The following ULK4 variants were observed in gnomAD, a reference collection of about 807,000 sequenced individuals.
ULK4 encodes the protein inactive serine/threonine-protein kinase ULK4.
ULK4 carries 133 observed loss-of-function variants against 160.6 expected under a neutral mutation model. The observed-to-expected ratio is 0.83, with a 90% CI of 0.72 to 0.96. The LOEUF is 0.96. Ranked by LOEUF, ULK4 falls within the 40% of genes least tolerant of loss-of-function variation. ULK4 has a pLI of 0.00. For synonymous variants in ULK4, 534 were observed against 539.8 expected (o/e 0.99, Z 0.15); for missense variants, 1,580 against 1,499.5 (o/e 1.05, Z -0.89).
chr3:41,602,299 AGGAAAGGAAAGGAAAGGAAAGGAGGAAG>A (rs1559425568), intron 31 of ULK4, among the ~76,000 whole-genome samples: 14 of 124,672 alleles, frequency 1.1e-4, no homozygotes, highest in East Asian at 7.8e-4. Flanking sequence ...AGGAAAGGAA[AGGAAAGGAAAGGAAAGGAAAGGAGGAAG>A]GGAAAGGAAA....
chr3:41,798,504 C>G (rs1395021704), intron 20 of ULK4, among the ~76,000 whole-genome samples: 1 of 151,932 alleles, frequency 6.6e-6, no homozygotes, highest in Non-Finnish European at 1.5e-5. Context: ...GGATTTATAT[C>G]CATTGATCTT....
At chr3:41,798,169 T>C (rs532052228) in intron 20 of ULK4, among the ~76,000 whole-genome samples, 19 of 148,618 alleles carry the variant, frequency 1.3e-4, no homozygotes, top group South Asian at 2.1e-4. Context: ...GTGGGAACTA[T>C]TGAAAAAAAA....
intron 35 of ULK4, among the ~76,000 whole-genome samples, chr3:41,267,595 A>G (rs1166736679): frequency 6.6e-6 from 1 of 152,138 alleles, no homozygotes; most frequent in East Asian, 1.9e-4. Context: ...TCTTGGACAC[A>G]CTCATTTACC....
intron 35 of ULK4, among the ~76,000 whole-genome samples, chr3:41,296,186 C>T (rs937346903): frequency 2.0e-5 from 3 of 152,110 alleles, no homozygotes; most frequent in African/African-American, 4.8e-5. Context: ...GTTGATAGTG[C>T]GGGATGCAGT....
At chr3:41,379,822 C>G (rs559129166) in intron 35 of ULK4, among the ~76,000 whole-genome samples, 2 of 152,164 alleles carry the variant, frequency 1.3e-5, no homozygotes, top group Admixed American at 6.6e-5. Flanking sequence ...TAAGAAGAAA[C>G]TATGCATGCA....
intron 30 of ULK4, among the ~76,000 whole-genome samples, chr3:41,645,964 T>G (rs897074999): frequency 6.6e-6 from 1 of 152,214 alleles, no homozygotes; most frequent in African/African-American, 2.4e-5. Flanking sequence ...CCTGGTCTCT[T>G]TTGATCTTTG....
intron 34 of ULK4, among the ~76,000 whole-genome samples, chr3:41,420,337 T>C (rs923722076): frequency 3.3e-5 from 5 of 151,968 alleles, no homozygotes; most frequent in Non-Finnish European, 7.4e-5. Flanking sequence ...ACATCATATT[T>C]TATGTTTTCA....
chr3:41,314,543 C>T (rs1022099056), intron 35 of ULK4, among the ~76,000 whole-genome samples: 18 of 152,158 alleles, frequency 1.2e-4, no homozygotes, highest in African/African-American at 3.6e-4. Context: ...AAAACCAGAA[C>T]AGTTCTAAAT....
intron 34 of ULK4, among the ~76,000 whole-genome samples, chr3:41,447,244 C>G (rs1476913962): frequency 6.6e-6 from 1 of 152,050 alleles, no homozygotes; most frequent in Non-Finnish European, 1.5e-5. Context: ...GTCCCATTGC[C>G]CTAGTCTTGT....
chr3:41,585,122 A>G (rs1482259209), intron 31 of ULK4, among the ~76,000 whole-genome samples: 2 of 152,198 alleles, frequency 1.3e-5, no homozygotes, highest in East Asian at 1.9e-4. Flanking sequence ...TGCAATCTCT[A>G]TAAAAATTCC....
intron 19 of ULK4, among the ~76,000 whole-genome samples, chr3:41,808,469 A>G (rs2040719626): frequency 6.6e-6 from 1 of 152,200 alleles, no homozygotes; most frequent in African/African-American, 2.4e-5. Context: ...ACTCTAGTCC[A>G]TCTTCAATCC....
At chr3:41,619,902 T>C (rs773259672) in intron 30 of ULK4, among the ~76,000 whole-genome samples, 35 of 151,886 alleles carry the variant, frequency 2.3e-4, no homozygotes, top group Non-Finnish European at 4.3e-4. Flanking sequence ...AAGAATCAAA[T>C]AGACACAACA....
At chr3:41,840,511 G>A (rs376978034) in intron 17 of ULK4, among the ~76,000 whole-genome samples, 3 of 152,230 alleles carry the variant, frequency 2.0e-5, no homozygotes, top group Middle Eastern at 3.2e-3. Context: ...GAGTGCCTGC[G>A]ATTGCAGGCG....
intron 35 of ULK4, among the ~76,000 whole-genome samples, chr3:41,386,956 G>C (rs1383290512): frequency 6.6e-6 from 1 of 152,124 alleles, no homozygotes; most frequent in Non-Finnish European, 1.5e-5. Flanking sequence ...ACTGAGGTCT[G>C]AGTCCTGAGA....
intron 31 of ULK4, among the ~76,000 whole-genome samples, chr3:41,589,753 G>T (rs575559820): frequency 6.6e-6 from 1 of 152,022 alleles, no homozygotes; most frequent in African/African-American, 2.4e-5. Flanking sequence ...TAGAAAAATC[G>T]ATATGACAGA....
chr3:41,301,659 T>G (rs1343187848), intron 35 of ULK4, among the ~76,000 whole-genome samples: 1 of 152,230 alleles, frequency 6.6e-6, no homozygotes, highest in Non-Finnish European at 1.5e-5. Context: ...TAAGTATCTT[T>G]ATTTTAAATA....
intron 35 of ULK4, among the ~76,000 whole-genome samples, chr3:41,345,897 C>T (rs910034243): frequency 2.6e-5 from 4 of 152,090 alleles, no homozygotes; most frequent in Admixed American, 6.5e-5. Flanking sequence ...TAAACCAAGA[C>T]TTGCATACAG....
intron 34 of ULK4, among the ~76,000 whole-genome samples, chr3:41,454,031 G>T (rs2083481263): frequency 1.1e-5 from 1 of 91,374 alleles, no homozygotes; most frequent in African/African-American, 4.4e-5. Context: ...CTGTCATGGG[G>T]TGGGGGGAGG....
intron 35 of ULK4, among the ~76,000 whole-genome samples, chr3:41,255,721 AAAAC>A (rs1222877355): frequency 6.6e-6 from 1 of 152,226 alleles, no homozygotes. Context: ...CAAAATATAT[AAAAC>A]AAACAAATAA....
Sources: gnomAD v4.1 joint callset for allele counts (sites outside exome capture counted in the v4.1 genomes callset) on GRCh38, gnomAD v4.1.1 for gene constraint, MANE v1.5 for transcripts, NCBI Gene and HGNC (gene_info 2026-07-23, HGNC 2026-07-21) for gene names.